GALR1: variants seen among roughly 807,000 people sequenced by gnomAD.
GALR1 encodes galanin receptor 1.
GALR1 carries 11 observed loss-of-function variants against 17.9 expected under a neutral mutation model. The ratio of observed to expected loss-of-function variants is 0.62; its 90% CI spans 0.39 to 1.02. GALR1 has a LOEUF of 1.02. Ranked by LOEUF, GALR1 falls within the 50% of genes least tolerant of loss-of-function variation. GALR1 has a pLI of 0.01. For missense variants in GALR1, 441 were observed against 456.9 expected, an observed-to-expected ratio of 0.97 and a Z score of 0.32; for synonymous variants, 206 against 205.7, an observed-to-expected ratio of 1.00 and a Z score of -0.01.
intron 1 of GALR1, among the ~76,000 whole-genome samples, chr18:77,252,140 T>G (rs1338940345): frequency 2.0e-5 from 3 of 152,212 alleles, no homozygotes; most frequent in Non-Finnish European, 4.4e-5. Flanking sequence ...CTCACATTCT[T>G]TTTCTCATTA....
Position 77,250,544 on chromosome 18 carries a change from G to C in GALR1, c.-5G>C, listed in dbSNP as rs1269997693. ...CCGCCGCTCGCCGGGACAGCCCCGC[G>C]GGCCATGGAGCTGGCGGTCGGGAAC... On this transcript the variant is annotated 5_prime_UTR_variant, in exon 1 of 3. Coordinates refer to ENST00000299727, the MANE Select transcript of GALR1 (RefSeq NM_001480.4). 1 of 1,515,354 alleles carries C rather than the reference G, an allele frequency of 6.6e-7. No individual in the cohort carries two copies. The highest frequency in any genetic ancestry group is 8.8e-7 in the Non-Finnish European group (1 of 1,137,248). 93.9% of individuals were successfully genotyped at this position (1,515,354 alleles called of 1,614,324 possible).
chr18:77,261,911 C>A (rs1912837721), intron 2 of GALR1, among the ~76,000 whole-genome samples: 1 of 152,128 alleles, frequency 6.6e-6, no homozygotes, highest in Non-Finnish European at 1.5e-5. Context: ...GCAGCCTCAA[C>A]TTTGTGGGCT....
At chr18:77,265,648 C>T (rs1599363976) in intron 2 of GALR1, among the ~76,000 whole-genome samples, 1 of 152,250 alleles carries the variant, frequency 6.6e-6, no homozygotes, top group Non-Finnish European at 1.5e-5. Context: ...TCTGCCTGGG[C>T]ATCCAAGCAT....
At chr18:77,251,347 C>T (rs1912412426) in intron 1 of GALR1, 133 bp downstream of exon 1, 4 of 1,347,484 alleles carry the variant, frequency 3.0e-6, no homozygotes, top group Non-Finnish European at 3.0e-6. Context: ...ACTCTGGCGG[C>T]GCTGGTACGG....
In GALR1 at chr18:77,273,917, A is replaced by T. The variant is rs551259192; in HGVS notation, c.*5015A>T. 43 of 152,248 alleles carry T rather than the reference A, an allele frequency of 2.8e-4. No homozygotes were observed. The highest frequency in any genetic ancestry group is 1.0e-3 in the African/African-American group (43 of 41,546). 9.4% of individuals were successfully genotyped at this position (152,248 alleles called of 1,614,324 possible). A position where few individuals can be genotyped will look rare whatever the true frequency, so the allele number is the denominator to read the frequency against. On this transcript the variant is annotated 3_prime_UTR_variant, in exon 3 of 3. Coordinates refer to ENST00000299727, the MANE Select transcript of GALR1 (RefSeq NM_001480.4). ...TTAGAGAAGGCACAGTAAAGAAAAG[A>T]TCCCTTGCTGATGGAATGGACTGGA...
chr18:77,253,643 C>T (rs1912520904), intron 1 of GALR1: 1 of 152,142 alleles, frequency 6.6e-6, no homozygotes, highest in Non-Finnish European at 1.5e-5. Flanking sequence ...TTCTTTGGCT[C>T]AGGCATTAGG....
Position 77,251,055 on chromosome 18 carries a change from C to G in GALR1, c.507C>G (p.Pro169=), listed in dbSNP as rs980703230. Residue 169 remains proline (P), a synonymous_variant, in exon 1 of 3, where the codon CCC becomes CCG. Transcript: ENST00000299727. The part of the protein sequence containing the change: ...IWALSIAMAS[P]VAYHQGLFHP... The stretch of plus-strand genomic sequence containing the variant: ...CGCTGTCCATTGCCATGGCCTCGCC[C>G]GTGGCCTACCACCAGGGCCTCTTCC... 1.9e-6 allele frequency: 3 copies of G among 1,607,844 alleles called. No individual in the cohort carries two copies. The highest frequency in any genetic ancestry group is 1.3e-5 in the African/African-American group (1 of 74,930).
Position 77,277,875 on chromosome 18 carries a change from T to C in GALR1, c.*8973T>C, listed in dbSNP as rs1913186073. ...TTGTGATGGAACCAGTTTTCTTGCATTGAAAATAAAATTTGTTCCTCAAAA... is the reference window on the plus strand; with the variant it reads ...TTGTGATGGAACCAGTTTTCTTGCACTGAAAATAAAATTTGTTCCTCAAAA... On this transcript the variant is annotated 3_prime_UTR_variant, in exon 3 of 3. Transcript: ENST00000299727. The C allele has an allele frequency of 6.6e-6, 1 of 152,230 alleles. No individual in the cohort carries two copies. The highest frequency in any genetic ancestry group is 6.5e-5 in the Admixed American group (1 of 15,280). The allele number at this position is 152,230 out of a possible 1,614,324, so 9.4% of individuals were successfully genotyped here.
At position 77,250,642 on chromosome 18, in the gene GALR1, GA is replaced by G. The variant is rs1375631266; in HGVS notation, c.95del (p.Glu32GlyfsTer11). 1 of 1,602,734 alleles carries G rather than the reference GA, an allele frequency of 6.2e-7. No homozygotes were observed. On this transcript the variant is annotated frameshift_variant, in exon 1 of 3. Coordinates refer to ENST00000299727, the MANE Select transcript of GALR1 (RefSeq NM_001480.4). LOFTEE classifies it high-confidence loss of function. ...CGGGCCGCTGTTCGGCATCGGCGTG[GA>G]GAACTTCGTCACGCTGGTGGTGTTC... The part of the protein sequence containing the change: ...EPGPLFGIGV[E>X]NFVTLVVFGL...
At chr18:77,252,896 T>TCACCACCAC (rs1252635221) in intron 1 of GALR1, among the ~76,000 whole-genome samples, 13 of 78,226 alleles carry the variant, frequency 1.7e-4, no homozygotes, top group Non-Finnish European at 2.7e-4. Flanking sequence ...ACCACCACCA[T>TCACCACCAC]CACCACCACC....
At chr18:77,253,034 TCAC>T (rs1221810035) in intron 1 of GALR1, among the ~76,000 whole-genome samples, 4 of 43,908 alleles carry the variant, frequency 9.1e-5, no homozygotes, top group Non-Finnish European at 1.4e-4. Flanking sequence ...ATCACCACCA[TCAC>T]CACCACCACC....
In GALR1 at chr18:77,265,372, G is replaced by T. The variant is rs1834386670; in HGVS notation, c.733-3213G>T. On this transcript the variant is annotated intron_variant, in intron 2 of 2. Coordinates refer to ENST00000299727, the MANE Select transcript of GALR1 (RefSeq NM_001480.4). ...AGGTGGGCTCCCATGGCCTTGGGTA[G>T]CTCCTCCCCTGTGGCTTTGCAGGGC... Among the ~76,000 whole-genome samples, 3 of 152,246 alleles carry T rather than the reference G, an allele frequency of 2.0e-5. No individual in the cohort carries two copies. The South Asian group carries it at 6.2e-4, about 31-fold the overall frequency.
At chr18:77,258,878 ATGGTGGTCATAGTGGTGATGG>A (rs1912706577) in intron 2 of GALR1, among the ~76,000 whole-genome samples, 1 of 35,768 alleles carries the variant, frequency 2.8e-5, no homozygotes, top group Non-Finnish European at 5.8e-5. Flanking sequence ...GGTGGTGATG[ATGGTGGTCATAGTGGTGATGG>A]TGGTGGGCGG....
At position 77,277,033 on chromosome 18, in the gene GALR1, G is replaced by A. The variant is rs1244666858; in HGVS notation, c.*8131G>A. On this transcript the variant is annotated 3_prime_UTR_variant, in exon 3 of 3. Transcript: ENST00000299727. ...TCAAAATTGTTAGATGTGAAGTTTT[G>A]AACCCAGTGTTTAAACTCAGTGTTT... 1 of 152,158 alleles carries A rather than the reference G, an allele frequency of 6.6e-6. No homozygotes were observed. The highest frequency in any genetic ancestry group is 1.5e-5 in the Non-Finnish European group (1 of 68,024). 9.4% of individuals were successfully genotyped at this position (152,158 alleles called of 1,614,324 possible).
intron 1 of GALR1, among the ~76,000 whole-genome samples, chr18:77,252,971 T>TCACCATCACCACCACCAC (rs1912491911): frequency 8.6e-5 from 2 of 23,182 alleles, no homozygotes; most frequent in Admixed American, 8.6e-4. Context: ...ACCACCACCA[T>TCACCATCACCACCACCAC]CACCACCATC....
Position 77,277,522 on chromosome 18 carries a change from T to G in GALR1, c.*8620T>G, listed in dbSNP as rs1913181311. On this transcript the variant is annotated 3_prime_UTR_variant, in exon 3 of 3. Coordinates refer to ENST00000299727, the MANE Select transcript of GALR1 (RefSeq NM_001480.4). ...CTTCCCCACCACTTGGAAATGTAAG[T>G]CAATTAAACCACTTTCTTTAGTAAA... 1 of 152,264 alleles carries G rather than the reference T, an allele frequency of 6.6e-6. No homozygotes were observed. The highest frequency in any genetic ancestry group is 1.5e-5 in the Non-Finnish European group (1 of 68,064). The allele number at this position is 152,264 out of a possible 1,614,324, so 9.4% of individuals were successfully genotyped here.
intron 1 of GALR1, among the ~76,000 whole-genome samples, chr18:77,255,614 C>T (rs1478777921): frequency 2.0e-5 from 3 of 152,160 alleles, no homozygotes; most frequent in Non-Finnish European, 2.9e-5. Context: ...GGCACAAACG[C>T]TGGCAATATT....
chr18:77,251,040 T>C lies in GALR1; in HGVS notation c.492T>C (p.Ile164=). 1 of 1,606,630 alleles carries C rather than the reference T, an allele frequency of 6.2e-7. No individual in the cohort carries two copies. The highest frequency in any genetic ancestry group is 8.5e-7 in the Non-Finnish European group (1 of 1,179,876). Residue 164 remains isoleucine (I), a synonymous_variant, in exon 1 of 3, where the codon ATT becomes ATC. Coordinates refer to ENST00000299727, the MANE Select transcript of GALR1 (RefSeq NM_001480.4). ...LGVGCIWALS[I]AMASPVAYHQ... is the part of the protein sequence containing the mutation. ...TGGGCTGCATCTGGGCGCTGTCCAT[T>C]GCCATGGCCTCGCCCGTGGCCTACC...
chr18:77,253,959 C>T (rs1360711177), intron 1 of GALR1: 1 of 152,212 alleles, frequency 6.6e-6, no homozygotes, highest in Non-Finnish European at 1.5e-5. Flanking sequence ...CCTGAAGAGC[C>T]CTCCCCTCTG....
Sources: gnomAD v4.1 joint callset for allele counts (sites outside exome capture counted in the v4.1 genomes callset) on GRCh38, gnomAD v4.1.1 for gene constraint, MANE v1.5 for transcripts, NCBI Gene and HGNC (gene_info 2026-07-23, HGNC 2026-07-21) for gene names.